PARP8: variants seen among roughly 807,000 people sequenced by gnomAD.
PARP8 encodes the protein protein mono-ADP-ribosyltransferase PARP8.
In PARP8, 51 loss-of-function variants were observed where a neutral mutation model predicts 124.1. That is an observed-to-expected ratio of 0.41 (90% CI 0.33 to 0.52). The LOEUF (loss-of-function observed/expected upper bound fraction) is 0.52. Ranked by LOEUF, PARP8 falls within the 20% of genes least tolerant of loss-of-function variation. The pLI, the probability that PARP8 is intolerant of heterozygous loss-of-function variation, is 0.21. For synonymous variants in PARP8, 391 were observed against 361.5 expected, an observed-to-expected ratio of 1.08 and a Z score of -0.93; for missense variants, 860 against 1,018.9, an observed-to-expected ratio of 0.84 and a Z score of 2.12.
intron 14 of PARP8, among the ~76,000 whole-genome samples, chr5:50,803,737 C>T (rs761398164): frequency 2.6e-5 from 4 of 152,052 alleles, no homozygotes; most frequent in Non-Finnish European, 5.9e-5. Context: ...AGCTCTTGAA[C>T]GTTTTAAGTA....
At chr5:50,720,110 A>G (rs781723099) in intron 2 of PARP8, among the ~76,000 whole-genome samples, 1 of 152,066 alleles carries the variant, frequency 6.6e-6, no homozygotes. Flanking sequence ...TGTTTAGGAA[A>G]TCTTCCTTTA....
At chr5:50,829,071 A>G (rs964977077) in intron 21 of PARP8, among the ~76,000 whole-genome samples, 4 of 152,204 alleles carry the variant, frequency 2.6e-5, no homozygotes, top group African/African-American at 4.8e-5. Context: ...GAATGCTTTT[A>G]GAGAATAAAA....
At chr5:50,811,378 TAGAG>T (rs1356769355) in intron 14 of PARP8, among the ~76,000 whole-genome samples, 2 of 151,946 alleles carry the variant, frequency 1.3e-5, no homozygotes, top group East Asian at 1.9e-4. Context: ...TGATAGGAAA[TAGAG>T]AGGTCTCGGT....
At chr5:50,806,245 G>A (rs1743828058) in intron 14 of PARP8, among the ~76,000 whole-genome samples, 1 of 151,920 alleles carries the variant, frequency 6.6e-6, no homozygotes, top group Non-Finnish European at 1.5e-5. Flanking sequence ...AATAGAGATA[G>A]GATTCTAATA....
Position 50,779,462 on chromosome 5 carries a change from C to G in PARP8, c.670+812C>G, listed in dbSNP as rs1740419063. 4.6e-5 allele frequency among the ~76,000 whole-genome samples: 7 copies of G among 152,266 alleles called. No individual in the cohort carries two copies. In the South Asian group the frequency reaches 1.4e-3, roughly 32 times the overall value. ...ACGTTCAAATGGCTAGCAGTTGATG[C>G]AGGTGTCATCTAGGGACTCACCTGA... is the stretch of plus-strand genomic sequence containing the variant. On this transcript the variant is annotated intron_variant, in intron 9 of 25. Coordinates refer to ENST00000281631, the MANE Select transcript of PARP8 (RefSeq NM_024615.4).
intron 2 of PARP8, among the ~76,000 whole-genome samples, chr5:50,731,901 C>T (rs1213737422): frequency 1.3e-5 from 2 of 152,132 alleles, no homozygotes; most frequent in East Asian, 3.8e-4. Flanking sequence ...AAAGTTTGCC[C>T]TCTCCATAAA....
Position 50,845,494 on chromosome 5 carries a change from T to TGATA in PARP8, c.*3429_*3432dup, listed in dbSNP as rs1441903850. The stretch of plus-strand genomic sequence containing the variant: ...TATTATAACACTACCTCAAGACAAA[T>TGATA]GATAGACTGTTGGTAAGGTAAATTG... On this transcript the variant is annotated 3_prime_UTR_variant, in exon 26 of 26. Transcript: ENST00000281631. 1 of 151,728 alleles carries TGATA rather than the reference T, an allele frequency of 6.6e-6. No homozygotes were observed. The highest frequency in any genetic ancestry group is 2.4e-5 in the African/African-American group (1 of 41,388). 9.4% of individuals were successfully genotyped at this position (151,728 alleles called of 1,614,324 possible). A position where few individuals can be genotyped will look rare whatever the true frequency, so the allele number is the denominator to read the frequency against.
chr5:50,737,221 T>A (rs1183908602), intron 2 of PARP8, among the ~76,000 whole-genome samples: 1 of 152,170 alleles, frequency 6.6e-6, no homozygotes, highest in African/African-American at 2.4e-5. Flanking sequence ...AGGCATTTAT[T>A]CCACATATAA....
intron 2 of PARP8, among the ~76,000 whole-genome samples, chr5:50,693,799 T>C (rs1230595812): frequency 6.6e-6 from 1 of 151,440 alleles, no homozygotes; most frequent in Non-Finnish European, 1.5e-5. Context: ...GTTATGTGGA[T>C]TAATTGTATG....
At chr5:50,744,996 A>G (rs1758401236) in intron 2 of PARP8, 2 of 484,618 alleles carry the variant, frequency 4.1e-6, no homozygotes, top group Non-Finnish European at 3.7e-6. Context: ...CCAATCATCC[A>G]TGTCTGTTTG....
In PARP8 at chr5:50,770,934, T is replaced by C. The variant is rs60577227; in HGVS notation, c.519-7135T>C. Among the ~76,000 whole-genome samples, 1,005 of 152,164 alleles carry C rather than the reference T, an allele frequency of 6.6e-3. 17 individuals are homozygous for C. Among genetic ancestry groups the C allele is most frequent in the African/African-American group, 0.023 (964 of 41,524 alleles). The stretch of plus-strand genomic sequence containing the variant: ...ATACCGAAATTTGCACATAATCTTA[T>C]CCTTTAAGATTAATGTTTATCATGT... On this transcript the variant is annotated intron_variant, in intron 7 of 25. Coordinates refer to ENST00000281631, the MANE Select transcript of PARP8 (RefSeq NM_024615.4).
intron 2 of PARP8, among the ~76,000 whole-genome samples, chr5:50,747,171 T>TG (rs1211816249): frequency 1.4e-5 from 2 of 145,522 alleles, no homozygotes; most frequent in African/African-American, 2.5e-5. Flanking sequence ...TTGTTTTTTT[T>TG]TTTTTTTTTG....
At chr5:50,716,611 G>A (rs1413102399) in intron 2 of PARP8, among the ~76,000 whole-genome samples, 1 of 151,982 alleles carries the variant, frequency 6.6e-6, no homozygotes, top group African/African-American at 2.4e-5. Context: ...GTGACACCTA[G>A]CATGAATGAC....
chr5:50,743,184 G>A (rs1182687325), intron 2 of PARP8, among the ~76,000 whole-genome samples: 3 of 152,086 alleles, frequency 2.0e-5, no homozygotes, highest in Non-Finnish European at 2.9e-5. Flanking sequence ...GCAGCTTAAC[G>A]TTGTCCAAAT....
chr5:50,699,987 C>T (rs1753422599), intron 2 of PARP8, among the ~76,000 whole-genome samples: 1 of 152,074 alleles, frequency 6.6e-6, no homozygotes, highest in African/African-American at 2.4e-5. Flanking sequence ...ACTCATGGAA[C>T]CTGTCTTCAT....
Position 50,811,556 on chromosome 5 carries a change from C to T in PARP8, c.1576-3876C>T, listed in dbSNP as rs10085036. Among the ~76,000 whole-genome samples the T allele has an allele frequency of 7.0e-3, 1,050 of 150,936 alleles. 9 individuals carry two copies. The highest frequency in any genetic ancestry group is 0.041 in the East Asian group (210 of 5,132). On this transcript the variant is annotated intron_variant, in intron 14 of 25. Transcript: ENST00000281631. ...AAAATTACCTGAAATTTCAATCTCG[C>T]GTAGTAAGATATTTTATTTCATTTT...
chr5:50,814,728 A>G (rs890177699), intron 14 of PARP8, among the ~76,000 whole-genome samples: 3 of 152,156 alleles, frequency 2.0e-5, no homozygotes, highest in African/African-American at 7.2e-5. Flanking sequence ...TCTGCTGTGC[A>G]GAGGCACCGT....
chr5:50,722,868 G>C (rs1756043198), intron 2 of PARP8, among the ~76,000 whole-genome samples: 1 of 152,084 alleles, frequency 6.6e-6, no homozygotes, highest in African/African-American at 2.4e-5. Context: ...AGATATTTCA[G>C]TTCACTCTAC....
chr5:50,724,474 GAA>G (rs918586013), intron 2 of PARP8, among the ~76,000 whole-genome samples: 1 of 151,984 alleles, frequency 6.6e-6, no homozygotes, highest in South Asian at 2.1e-4. Context: ...TTGGTTCAGG[GAA>G]AAAAATTGTA....
Sources: allele counts gnomAD v4.1 joint callset (sites outside exome capture counted in the v4.1 genomes callset), GRCh38; gene constraint gnomAD v4.1.1; transcripts MANE v1.5; gene names NCBI Gene and HGNC (gene_info 2026-07-23, HGNC 2026-07-21).